The following PAPSS1 variants were observed in gnomAD, a reference collection of about 807,000 sequenced individuals.
PAPSS1 encodes the protein bifunctional 3'-phosphoadenosine 5'-phosphosulfate synthase 1.
A neutral mutation model predicts 72.0 loss-of-function variants in PAPSS1; 50 were observed. That is an observed-to-expected ratio of 0.69 (90% CI 0.55 to 0.88). The LOEUF (loss-of-function observed/expected upper bound fraction) is 0.88, where lower values mean the gene tolerates loss of function less well. Ranked by LOEUF, PAPSS1 falls within the 40% of genes least tolerant of loss-of-function variation. The probability of loss-of-function intolerance (pLI) is 0.00; values close to 1 mark genes in which losing one functional copy is unlikely to be tolerated. For synonymous variants in PAPSS1, 261 were observed against 263.6 expected, an observed-to-expected ratio of 0.99 and a Z score of 0.09; for missense variants, 657 against 782.2, an observed-to-expected ratio of 0.84 and a Z score of 1.91.
chr4:107,616,911 C>G (rs1013720080), intron 11 of PAPSS1, among the ~76,000 whole-genome samples: 4 of 152,142 alleles, frequency 2.6e-5, no homozygotes, highest in African/African-American at 9.7e-5. Context: ...TTAGAAGTTT[C>G]AGCATGCCCT....
intron 8 of PAPSS1, among the ~76,000 whole-genome samples, chr4:107,654,306 T>C (rs1726936043): frequency 2.6e-5 from 4 of 152,196 alleles, no homozygotes; most frequent in African/African-American, 7.2e-5. Flanking sequence ...TATATTTCAC[T>C]GCTTTCACAT....
At chr4:107,683,077 C>T (rs553181686) in intron 4 of PAPSS1, among the ~76,000 whole-genome samples, 15 of 152,196 alleles carry the variant, frequency 9.9e-5, no homozygotes, top group African/African-American at 3.6e-4. Context: ...CTATCTTATA[C>T]CCCTGACCTT....
intron 7 of PAPSS1, among the ~76,000 whole-genome samples, chr4:107,656,581 G>A (rs1263646541): frequency 1.3e-5 from 2 of 152,082 alleles, no homozygotes; most frequent in Non-Finnish European, 2.9e-5. Flanking sequence ...ACATGCCCTG[G>A]GTGGGAAGCA....
At chr4:107,640,674 G>A (rs892365526) in intron 10 of PAPSS1, among the ~76,000 whole-genome samples, 1 of 152,126 alleles carries the variant, frequency 6.6e-6, no homozygotes, top group Non-Finnish European at 1.5e-5. Context: ...CAATCCAACA[G>A]CCTAAATACT....
intron 3 of PAPSS1, 99 bp downstream of exon 3, chr4:107,693,672 A>G: frequency 1.3e-6 from 1 of 772,162 alleles, no homozygotes. Context: ...GAGTAGAGTT[A>G]GCCTCAAAGC....
chr4:107,675,755 C>A (rs912689216), intron 5 of PAPSS1, among the ~76,000 whole-genome samples: 2 of 152,160 alleles, frequency 1.3e-5, no homozygotes, highest in African/African-American at 2.4e-5. Context: ...AGACCAATAT[C>A]CCTGGTGAAC....
intron 5 of PAPSS1, among the ~76,000 whole-genome samples, chr4:107,679,711 C>T (rs1291990083): frequency 1.3e-5 from 2 of 150,696 alleles, no homozygotes; most frequent in Non-Finnish European, 2.9e-5. Flanking sequence ...CAGAATCTCG[C>T]TCTGTCACCC....
intron 11 of PAPSS1, among the ~76,000 whole-genome samples, chr4:107,617,332 T>A (rs1297523799): frequency 6.6e-6 from 1 of 151,800 alleles, no homozygotes; most frequent in Non-Finnish European, 1.5e-5. Flanking sequence ...TAGTTCTACC[T>A]CTTAGATTCA....
At chr4:107,643,265 C>T (rs888385455) in intron 10 of PAPSS1, among the ~76,000 whole-genome samples, 1 of 152,214 alleles carries the variant, frequency 6.6e-6, no homozygotes, top group Non-Finnish European at 1.5e-5. Flanking sequence ...AGGGAGCGGG[C>T]TCTCCAGCAG....
intron 2 of PAPSS1, among the ~76,000 whole-genome samples, chr4:107,700,044 A>G (rs1723168609): frequency 6.6e-6 from 1 of 152,198 alleles, no homozygotes; most frequent in Admixed American, 6.5e-5. Flanking sequence ...AAATGTAACA[A>G]TTTAACTGTC....
At chr4:107,714,846 G>A (rs916002341) in intron 1 of PAPSS1, among the ~76,000 whole-genome samples, 1 of 152,116 alleles carries the variant, frequency 6.6e-6, no homozygotes, top group African/African-American at 2.4e-5. Context: ...GAAGCATATT[G>A]ACACTTCAAA....
rs1307147143 is a variant in PAPSS1, at chr4:107,669,186, T to C, written c.670-9114A>G. The stretch of plus-strand genomic sequence containing the variant: ...GGGAGTTTGATATGAAAAGTACACA[T>C]TATAGCAAGTCACTTTGCAATGAAG... On this transcript the variant is annotated intron_variant, in intron 5 of 11. Transcript: ENST00000265174. Among the ~76,000 whole-genome samples, 3 of 152,304 alleles carry C rather than the reference T, an allele frequency of 2.0e-5. No homozygotes were observed. In the East Asian group the frequency reaches 5.8e-4, roughly 29 times the overall value.
intron 5 of PAPSS1, among the ~76,000 whole-genome samples, chr4:107,679,672 G>T (rs561400937): frequency 1.4e-5 from 2 of 147,756 alleles, no homozygotes; most frequent in East Asian, 4.2e-4. Flanking sequence ...TTCAAACCAT[G>T]AGGCAGGACT....
intron 5 of PAPSS1, among the ~76,000 whole-genome samples, chr4:107,660,947 AAAAGTTATATCTTTAGAT>A (rs1462355936): frequency 6.6e-6 from 1 of 152,218 alleles, no homozygotes; most frequent in Non-Finnish European, 1.5e-5. Context: ...AAATACACTC[AAAAGTTATATCTTTAGAT>A]AAATGTTATC....
At position 107,644,946 on chromosome 4, in the gene PAPSS1, C is replaced by G; in HGVS notation, c.1362G>C (p.Leu454=). 3 of 1,613,982 alleles carry G rather than the reference C, an allele frequency of 1.9e-6. No homozygotes were observed. Among genetic ancestry groups the G allele is most frequent in the Non-Finnish European group, 2.5e-6 (3 of 1,179,904 alleles). Reference sequence around the variant, plus strand: ...CATCGTCATCCTTTGTCCAGCCACCCAGAGGGTGGAGGAGGAGGACAGGGC... The same window carrying G: ...CATCGTCATCCTTTGTCCAGCCACCGAGAGGGTGGAGGAGGAGGACAGGGC... ...YRRPVLLLHP[L]GGWTKDDDVP... is the part of the protein sequence containing the mutation. Residue 454 remains leucine, a synonymous_variant, in exon 10 of 12, where the codon CTG becomes CTC. Coordinates refer to ENST00000265174, the MANE Select transcript of PAPSS1 (RefSeq NM_005443.5).
intron 4 of PAPSS1, among the ~76,000 whole-genome samples, chr4:107,683,373 A>T (rs928115401): frequency 7.9e-5 from 12 of 152,178 alleles, no homozygotes; most frequent in African/African-American, 2.7e-4. Context: ...GGAAAAAAAA[A>T]AATAATTCTG....
chr4:107,680,524 C>T (rs1397432919), intron 5 of PAPSS1, among the ~76,000 whole-genome samples: 2 of 152,174 alleles, frequency 1.3e-5, no homozygotes, highest in African/African-American at 4.8e-5. Flanking sequence ...CAGTATGCCA[C>T]AGACATAACT....
rs531681900 is a variant in PAPSS1 at position 107,647,941 on chromosome 4, A to T, written c.1238-2871T>A. Among the ~76,000 whole-genome samples the T allele has an allele frequency of 9.2e-5, 14 of 152,238 alleles. 1 individual carries two copies. The South Asian group carries it at 2.9e-3, about 32-fold the overall frequency. On this transcript the variant is annotated intron_variant, in intron 9 of 11. Transcript: ENST00000265174. ...AGTTCACCGGACAGATGCATTACAA[A>T]AACTATTTCAATATACATTGCTCAT...
intron 2 of PAPSS1, 82 bp from the exon 3 acceptor site, chr4:107,694,088 CA>C: frequency 2.0e-6 from 2 of 1,006,158 alleles, no homozygotes; most frequent in Non-Finnish European, 2.9e-6. Context: ...TTCCCAGAAA[CA>C]AGAGTCTTGC....
Sources: allele counts gnomAD v4.1 joint callset (sites outside exome capture counted in the v4.1 genomes callset), GRCh38; gene constraint gnomAD v4.1.1; transcripts MANE v1.5; gene names NCBI Gene and HGNC (gene_info 2026-07-23, HGNC 2026-07-21).